THSD7A: variants seen among roughly 807,000 people sequenced by gnomAD.
The protein encoded by THSD7A is thrombospondin type-1 domain-containing protein 7A.
In THSD7A, 96 loss-of-function variants were observed where a neutral mutation model predicts 231.3. The observed-to-expected ratio is 0.41, with a 90% confidence interval of 0.35 to 0.49. The LOEUF (loss-of-function observed/expected upper bound fraction) is 0.49, where lower values mean the gene tolerates loss of function less well. Among genes scored for constraint, THSD7A ranks in the 20% least tolerant of loss-of-function variants. THSD7A has a pLI of 0.05. For synonymous variants in THSD7A, 940 were observed against 743.3 expected, an observed-to-expected ratio of 1.26 and a Z score of -4.30; for missense variants, 2,290 against 2,070.2, an observed-to-expected ratio of 1.11 and a Z score of -2.06.
chr7:11,831,821 C>A lies in THSD7A; in HGVS notation c.126G>T (p.Pro42=). 1 of 1,443,302 alleles carries A rather than the reference C, an allele frequency of 6.9e-7. No individual in the cohort carries two copies. The highest frequency in any genetic ancestry group is 9.1e-7 in the Non-Finnish European group (1 of 1,094,462). 89.4% of individuals were successfully genotyped at this position (1,443,302 alleles called of 1,614,324 possible). Residue 42 remains proline (P), a synonymous_variant, in exon 1 of 28, where the codon CCG becomes CCT. Transcript: ENST00000423059. The surrounding 1 kb of genome is among the most constrained non-coding windows in gnomAD (Gnocchi z 5.0). ...CCTGCGCCGCAGCCCTGCCGGCGCC[C>A]GGGCGTAGCAGCAGCAGCAGGAGCA... ...LPLLLLLLLR[P]GAGRAAAQGE...
Position 11,373,077 on chromosome 7 carries a change from G to GTGTGTA in THSD7A, c.*2716_*2717insTACACA, listed in dbSNP as rs1554296552. ...TATATGGGTGTGTGTGTGTGTGTGT[G>GTGTGTA]TATATATATATATGCATGCATATAT... On this transcript the variant is annotated 3_prime_UTR_variant, in exon 28 of 28. Transcript: ENST00000423059. 2.0e-5 allele frequency: 3 copies of GTGTGTA among 149,446 alleles called. No individual in the cohort carries two copies. The highest frequency in any genetic ancestry group is 4.9e-5 in the African/African-American group (2 of 40,548). The allele number at this position is 149,446 out of a possible 1,614,324, so 9.3% of individuals were successfully genotyped here.
intron 1 of THSD7A, among the ~76,000 whole-genome samples, chr7:11,829,468 C>T (rs762780263): frequency 6.6e-6 from 1 of 152,104 alleles, no homozygotes; most frequent in Non-Finnish European, 1.5e-5. Flanking sequence ...GTAACATACA[C>T]AGTTTGAGTT....
intron 1 of THSD7A, among the ~76,000 whole-genome samples, chr7:11,791,170 G>T (rs1237832664): frequency 6.6e-6 from 1 of 151,962 alleles, no homozygotes; most frequent in Non-Finnish European, 1.5e-5. Flanking sequence ...TAATTGGCCT[G>T]CTAGGACACA....
At chr7:11,635,925 C>G (rs1781822698) in intron 2 of THSD7A, among the ~76,000 whole-genome samples, 1 of 151,840 alleles carries the variant, frequency 6.6e-6, no homozygotes, top group Non-Finnish European at 1.5e-5. Context: ...ATCAAAATAA[C>G]TCAAGTAATA....
rs748630548 is a variant in THSD7A at position 11,406,203 on chromosome 7, T to G, written c.4237+97A>C. 32 of 1,246,888 alleles carry G rather than the reference T, an allele frequency of 2.6e-5. 1 individual carries two copies. The South Asian group carries it at 4.5e-4, about 17-fold the overall frequency. The allele number at this position is 1,246,888 out of a possible 1,614,324, so 77.2% of individuals were successfully genotyped here. A position where few individuals can be genotyped will look rare whatever the true frequency, so the allele number is the denominator to read the frequency against. On this transcript the variant is annotated intron_variant, in intron 22 of 27. Transcript: ENST00000423059. The surrounding 1 kb of genome is among the most constrained non-coding windows in gnomAD (Gnocchi z 4.7). ...TAGATATTACTGAATAAGAAGACTG[T>G]TGACATCCTGTAACTTATACTTTAT...
chr7:11,701,089 CT>C (rs1453321702), intron 1 of THSD7A, among the ~76,000 whole-genome samples: 4 of 151,084 alleles, frequency 2.6e-5, no homozygotes, highest in African/African-American at 9.7e-5. Context: ...CTGAGATTTG[CT>C]TTAAAATTTC....
chr7:11,638,270 G>T (rs567606006), intron 1 of THSD7A, among the ~76,000 whole-genome samples: 91 of 152,332 alleles, frequency 6.0e-4, no homozygotes, highest in African/African-American at 2.1e-3. Context: ...AGAAGGGAAA[G>T]TGATTTGCTG....
chr7:11,387,833 T>C (rs1221678848), intron 23 of THSD7A, among the ~76,000 whole-genome samples: 1 of 151,998 alleles, frequency 6.6e-6, no homozygotes, highest in Non-Finnish European at 1.5e-5. Flanking sequence ...CAGTATGGTA[T>C]TGGCTGTGGG....
intron 6 of THSD7A, among the ~76,000 whole-genome samples, chr7:11,538,957 C>T (rs17164737): frequency 0.073 from 11,131 of 152,150 alleles, 617 homozygotes; most frequent in East Asian, 0.17. Context: ...GTTGTGAAAT[C>T]TGTGAGGAAT....
At chr7:11,382,314 G>C (rs1456329419) in intron 24 of THSD7A, among the ~76,000 whole-genome samples, 1 of 151,994 alleles carries the variant, frequency 6.6e-6, no homozygotes, top group East Asian at 1.9e-4. Context: ...ACCTAAAAAG[G>C]CTAGGTGAGA....
chr7:11,637,986 ATTGT>A lies in THSD7A; in HGVS notation c.191-1029_191-1026del, dbSNP rs60909865. ...AAAAAGTATTCCATGAATTTGAGAA[ATTGT>A]TTGATGTGCCTTAAAGCCATTTTCC... is the stretch of plus-strand genomic sequence containing the variant. On this transcript the variant is annotated intron_variant, in intron 1 of 27. Coordinates refer to ENST00000423059, the MANE Select transcript of THSD7A (RefSeq NM_015204.3). The surrounding 1 kb of genome is among the most constrained non-coding windows in gnomAD (Gnocchi z 4.2). Among the ~76,000 whole-genome samples the A allele has an allele frequency of 0.15, 22,580 of 152,104 alleles. 1,778 individuals are homozygous for A. The highest frequency in any genetic ancestry group is 0.21 in the Admixed American group (3,148 of 15,280).
intron 11 of THSD7A, among the ~76,000 whole-genome samples, chr7:11,453,754 G>T (rs948151340): frequency 6.6e-6 from 1 of 151,902 alleles, no homozygotes; most frequent in Admixed American, 6.6e-5. Flanking sequence ...TCTACTCTTC[G>T]TAGAAACATG....
chr7:11,447,498 C>T (rs1785010956), intron 11 of THSD7A, 74 bp from the exon 12 acceptor site: 1 of 1,302,166 alleles, frequency 7.7e-7, no homozygotes, highest in Non-Finnish European at 1.0e-6. Flanking sequence ...GCTAACCTAA[C>T]ATTTGGTTAA....
chr7:11,733,998 T>C (rs556007720), intron 1 of THSD7A, among the ~76,000 whole-genome samples: 1 of 151,978 alleles, frequency 6.6e-6, no homozygotes, highest in Admixed American at 6.6e-5. Context: ...GGCATATTTC[T>C]AGGGGCTCTA....
chr7:11,630,441 T>C (rs1291098129), intron 2 of THSD7A, among the ~76,000 whole-genome samples: 1 of 152,188 alleles, frequency 6.6e-6, no homozygotes, highest in Non-Finnish European at 1.5e-5. Context: ...ATAAAAATAC[T>C]CCAAGATGTT....
At chr7:11,826,281 C>A (rs920636775) in intron 1 of THSD7A, among the ~76,000 whole-genome samples, 1 of 152,074 alleles carries the variant, frequency 6.6e-6, no homozygotes, top group African/African-American at 2.4e-5. Context: ...TAAATAATGG[C>A]TATTATGTAC....
At chr7:11,522,740 C>T (rs1198952132) in intron 6 of THSD7A, among the ~76,000 whole-genome samples, 1 of 152,098 alleles carries the variant, frequency 6.6e-6, no homozygotes, top group East Asian at 1.9e-4. Flanking sequence ...CAGCCCATTG[C>T]TTTCACTTTT....
intron 6 of THSD7A, among the ~76,000 whole-genome samples, chr7:11,534,357 A>G (rs946083717): frequency 6.6e-6 from 1 of 152,192 alleles, no homozygotes; most frequent in Non-Finnish European, 1.5e-5. Flanking sequence ...TGTGAGTTCA[A>G]GAGGACTTTC....
intron 1 of THSD7A, among the ~76,000 whole-genome samples, chr7:11,685,594 C>A (rs1240155072): frequency 1.3e-5 from 2 of 151,816 alleles, no homozygotes; most frequent in African/African-American, 4.8e-5. Context: ...AGAAGATACA[C>A]AAGCAGCCAA....
Sources: gnomAD v4.1 joint callset for allele counts (sites outside exome capture counted in the v4.1 genomes callset) on GRCh38, gnomAD v4.1.1 for gene constraint, Gnocchi (gnomAD v3.1) non-coding constraint, MANE v1.5 for transcripts, NCBI Gene and HGNC (gene_info 2026-07-23, HGNC 2026-07-21) for gene names.